The following KCNN2 variants were observed in gnomAD, a reference collection of about 807,000 sequenced individuals.
KCNN2 encodes small conductance calcium-activated potassium channel protein 2.
In KCNN2, 24 loss-of-function variants were observed where a neutral mutation model predicts 55.5. The observed-to-expected ratio is 0.43, with a 90% CI of 0.31 to 0.61. The LOEUF is 0.61. Ranked by LOEUF, KCNN2 falls within the 20% of genes least tolerant of loss-of-function variation. The pLI, the probability that KCNN2 is intolerant of heterozygous loss-of-function variation, is 0.08. For synonymous variants in KCNN2, 431 were observed against 336.1 expected, an observed-to-expected ratio of 1.28 and a Z score of -3.09; for missense variants, 754 against 853.6, an observed-to-expected ratio of 0.88 and a Z score of 1.45.
chr5:114,113,361 C>G (rs1223444307), intron 1 of KCNN2, among the ~76,000 whole-genome samples: 1 of 151,768 alleles, frequency 6.6e-6, no homozygotes, highest in Non-Finnish European at 1.5e-5. Context: ...TTAAAATCAC[C>G]AAGCAAAAGA....
At chr5:114,220,858 T>G (rs1418720320) in intron 1 of KCNN2, among the ~76,000 whole-genome samples, 1 of 149,746 alleles carries the variant, frequency 6.7e-6, no homozygotes, top group Non-Finnish European at 1.5e-5. Context: ...TAAAGTCAAG[T>G]TAAAGACTCA....
At chr5:114,293,403 G>A (rs985616858) in intron 2 of KCNN2, among the ~76,000 whole-genome samples, 4 of 152,110 alleles carry the variant, frequency 2.6e-5, no homozygotes, top group African/African-American at 2.4e-5. Context: ...TAGCATGAAG[G>A]GTTGTTGAAT....
intron 2 of KCNN2, among the ~76,000 whole-genome samples, chr5:114,291,652 C>T (rs1227487032): frequency 2.0e-5 from 3 of 152,176 alleles, no homozygotes; most frequent in African/African-American, 7.2e-5. Flanking sequence ...AATAAACATA[C>T]ATGTGCATGT....
At chr5:114,477,401 A>G (rs1337921764) in intron 5 of KCNN2, among the ~76,000 whole-genome samples, 1 of 152,210 alleles carries the variant, frequency 6.6e-6, no homozygotes, top group Non-Finnish European at 1.5e-5. Flanking sequence ...ACATTAACCA[A>G]GTAAAATACT....
At chr5:114,258,984 C>G (rs1052513769) in intron 2 of KCNN2, among the ~76,000 whole-genome samples, 3 of 152,184 alleles carry the variant, frequency 2.0e-5, no homozygotes, top group African/African-American at 4.8e-5. Flanking sequence ...GAAAAGCCAT[C>G]CTCCAGCATA....
chr5:114,119,894 G>A (rs17136291), intron 1 of KCNN2, among the ~76,000 whole-genome samples: 13,679 of 152,160 alleles, frequency 0.09, 902 homozygotes, highest in East Asian at 0.25. Flanking sequence ...GTCTCGCATA[G>A]GTTTTGAGGA....
At chr5:114,450,395 C>A (rs1760620748) in intron 3 of KCNN2, among the ~76,000 whole-genome samples, 1 of 152,130 alleles carries the variant, frequency 6.6e-6, no homozygotes, top group Non-Finnish European at 1.5e-5. Context: ...GCAGCAGGAG[C>A]TGAATGAATA....
chr5:114,496,003 A>G lies in KCNN2; in HGVS notation c.2197A>G (p.Ile733Val). 6.2e-7 allele frequency: 1 copy of G among 1,614,102 alleles called. No individual in the cohort carries two copies. ...ETKLETLIGS[I>V]HALPGLISQT... ...AAAACTAGAGACTTTGATTGGTAGC[A>G]TCCACGCCCTCCCTGGGCTCATAAG... The change falls in exon 8 of 8, where the codon ATC becomes GTC. Residue 733 changes from isoleucine to valine, a missense_variant. Transcript: ENST00000673685.
intron 1 of KCNN2, among the ~76,000 whole-genome samples, chr5:114,125,910 C>T (rs1751921703): frequency 6.6e-6 from 1 of 152,128 alleles, no homozygotes; most frequent in African/African-American, 2.4e-5. Context: ...GCCCTATCTC[C>T]AAACAGTCAC....
intron 1 of KCNN2, among the ~76,000 whole-genome samples, chr5:114,215,939 TAATGAACTAGCC>T: frequency 6.6e-6 from 1 of 152,242 alleles, no homozygotes; most frequent in Admixed American, 6.5e-5. Context: ...AAAAGCATTT[TAATGAACTAGCC>T]GATTACCCAA....
chr5:114,365,704 A>C (rs997360939), intron 2 of KCNN2, among the ~76,000 whole-genome samples: 4 of 152,204 alleles, frequency 2.6e-5, no homozygotes. Flanking sequence ...CTCTAAATCC[A>C]AAAGTTTGGT....
intron 1 of KCNN2, among the ~76,000 whole-genome samples, chr5:114,058,280 G>A (rs980314565): frequency 3.9e-5 from 6 of 151,954 alleles, no homozygotes; most frequent in Non-Finnish European, 8.8e-5. Context: ...CTGCAATAAC[G>A]TTATATAAAT....
At chr5:114,116,180 A>AAG (rs376357083) in intron 1 of KCNN2, among the ~76,000 whole-genome samples, 12 of 152,048 alleles carry the variant, frequency 7.9e-5, no homozygotes, top group South Asian at 4.2e-4. Flanking sequence ...CCAAGTCACA[A>AAG]AGAGAGAGAG....
At chr5:114,482,399 G>T (rs1436131802) in intron 5 of KCNN2, among the ~76,000 whole-genome samples, 1 of 152,144 alleles carries the variant, frequency 6.6e-6, no homozygotes, top group South Asian at 2.1e-4. Context: ...AGGTTGCGGA[G>T]AAAGAGGAAT....
At chr5:114,224,538 T>C (rs1380751350) in intron 2 of KCNN2, among the ~76,000 whole-genome samples, 2 of 152,176 alleles carry the variant, frequency 1.3e-5, no homozygotes, top group African/African-American at 4.8e-5. Context: ...GAAAAGAACA[T>C]GGATTTGCTT....
intron 2 of KCNN2, among the ~76,000 whole-genome samples, chr5:114,385,986 G>A (rs1476986650): frequency 1.3e-5 from 2 of 151,684 alleles, no homozygotes; most frequent in Non-Finnish European, 2.9e-5. Context: ...AGACCAGCCT[G>A]GCTAACATGG....
At chr5:114,181,754 C>T (rs1328814136) in intron 1 of KCNN2, among the ~76,000 whole-genome samples, 6 of 152,114 alleles carry the variant, frequency 3.9e-5, no homozygotes, top group Non-Finnish European at 7.4e-5. Flanking sequence ...TGGTGTCTCA[C>T]GCCTGTAATC....
chr5:114,258,941 C>G (rs1755041805), intron 2 of KCNN2, among the ~76,000 whole-genome samples: 1 of 152,200 alleles, frequency 6.6e-6, no homozygotes, highest in African/African-American at 2.4e-5. Context: ...GGGCACACCA[C>G]CAGTGGGGCT....
At chr5:114,250,024 T>G (rs1754826907) in intron 2 of KCNN2, among the ~76,000 whole-genome samples, 1 of 152,200 alleles carries the variant, frequency 6.6e-6, no homozygotes, top group African/African-American at 2.4e-5. Context: ...TGGTTCCTTA[T>G]GGTTTCCATT....
Sources: gnomAD v4.1 joint callset for allele counts (sites outside exome capture counted in the v4.1 genomes callset) on GRCh38, gnomAD v4.1.1 for gene constraint, MANE v1.5 for transcripts, NCBI Gene and HGNC (gene_info 2026-07-23, HGNC 2026-07-21) for gene names.